SLIT3: variants seen among roughly 807,000 people sequenced by gnomAD.
The protein encoded by SLIT3 is slit homolog 3 protein.
A neutral mutation model predicts 184.0 loss-of-function variants in SLIT3; 68 were observed. That is an observed-to-expected ratio of 0.37 (90% confidence interval 0.30 to 0.45). The LOEUF is 0.45. Among genes scored for constraint, SLIT3 ranks in the 20% least tolerant of loss-of-function variants. The pLI is 1.00. For synonymous variants in SLIT3, 831 were observed against 828.6 expected (o/e 1.00, Z -0.05); for missense variants, 1,707 against 2,026.0 (o/e 0.84, Z 3.02).
chr5:168,767,202 AG>A (rs748297197), intron 14 of SLIT3, among the ~76,000 whole-genome samples: 25 of 152,186 alleles, frequency 1.6e-4, no homozygotes, highest in Admixed American at 3.3e-4. Flanking sequence ...CCTGGTTCTG[AG>A]GGGTAACCTC....
chr5:169,058,842 G>A (rs1758090983), intron 4 of SLIT3, among the ~76,000 whole-genome samples: 1 of 152,210 alleles, frequency 6.6e-6, no homozygotes, highest in Non-Finnish European at 1.5e-5. Context: ...AGATGCCTCA[G>A]GTTTGGAAAA....
intron 4 of SLIT3, among the ~76,000 whole-genome samples, chr5:169,097,477 A>G (rs1406067652): frequency 6.6e-6 from 1 of 152,196 alleles, no homozygotes; most frequent in Admixed American, 6.5e-5. Flanking sequence ...GGAGGGAGAA[A>G]GGAGAGAAAA....
intron 3 of SLIT3, among the ~76,000 whole-genome samples, chr5:169,195,450 T>A (rs1368755491): frequency 6.6e-6 from 1 of 152,180 alleles, no homozygotes; most frequent in South Asian, 2.1e-4. Flanking sequence ...AGACTCCTGA[T>A]GAGGAGGAGG....
chr5:168,898,110 T>C (rs2113822103), intron 4 of SLIT3, among the ~76,000 whole-genome samples: 1 of 152,368 alleles, frequency 6.6e-6, no homozygotes, highest in Non-Finnish European at 1.5e-5. Context: ...TCAAGGCACA[T>C]ACTTAATGTT....
chr5:169,107,551 G>C (rs984698893), intron 4 of SLIT3, among the ~76,000 whole-genome samples: 4 of 152,230 alleles, frequency 2.6e-5, no homozygotes, highest in African/African-American at 9.6e-5. Context: ...TCTCCCAAGG[G>C]GTGACAGCCC....
intron 4 of SLIT3, among the ~76,000 whole-genome samples, chr5:168,983,582 G>T (rs2113363375): frequency 6.6e-6 from 1 of 152,312 alleles, no homozygotes; most frequent in East Asian, 1.9e-4. Flanking sequence ...TGAGCCCCGA[G>T]CAAAATCACA....
At chr5:169,246,733 A>G (rs961987347) in intron 2 of SLIT3, among the ~76,000 whole-genome samples, 1 of 150,236 alleles carries the variant, frequency 6.7e-6, no homozygotes, top group African/African-American at 2.4e-5. Flanking sequence ...AGCCTGGCCA[A>G]CATGGTGAAA....
At chr5:168,962,942 T>C (rs1265669377) in intron 4 of SLIT3, among the ~76,000 whole-genome samples, 1 of 152,174 alleles carries the variant, frequency 6.6e-6, no homozygotes, top group Admixed American at 6.5e-5. Flanking sequence ...TCCCCATCAC[T>C]CCATCCAAAG....
intron 1 of SLIT3, among the ~76,000 whole-genome samples, chr5:169,254,083 C>T (rs1765866830): frequency 6.6e-6 from 1 of 152,156 alleles, no homozygotes; most frequent in African/African-American, 2.4e-5. Context: ...TACCTCTAGC[C>T]CCCAACTCCA....
Position 168,884,553 on chromosome 5 carries a change from T to TATATATA in SLIT3, c.414-1224_414-1218dup, listed in dbSNP as rs1224823188. ...AACTACTGCTACCAATTACGAGATA[T>TATATATA]ATATATATATATATATATATATATA... On this transcript the variant is annotated intron_variant, in intron 4 of 35. Coordinates refer to ENST00000519560, the MANE Select transcript of SLIT3 (RefSeq NM_003062.4). Among the ~76,000 whole-genome samples, 2 of 100,286 alleles carry TATATATA rather than the reference T, an allele frequency of 2.0e-5. 1 individual carries two copies. The highest frequency in any genetic ancestry group is 7.2e-5 in the African/African-American group (2 of 27,638). The allele number at this position is 100,286 out of a possible 152,430, so 65.8% of individuals were successfully genotyped here.
rs1444911921 is a variant in SLIT3 at position 168,666,563 on chromosome 5, T to C, written c.4463A>G (p.Gln1488Arg). The C allele has an allele frequency of 6.2e-7, 1 of 1,613,962 alleles. No individual in the cohort carries two copies. The highest frequency in any genetic ancestry group is 2.2e-5 in the East Asian group (1 of 44,880). Residue 1488 changes from glutamine (Q) to arginine (R), a missense_variant, in exon 36 of 36, where the codon CAG becomes CGG. Gln to Arg is a conservative substitution (Grantham distance 43, BLOSUM62 1). Around this residue, in one of 3 missense-constraint regions of SLIT3, gnomAD observed 387 missense variants for 477.9 expected, o/e 0.81. Coordinates refer to ENST00000519560, the MANE Select transcript of SLIT3 (RefSeq NM_003062.4). ...CRGGCGPQCC[Q>R]PTRSKRRKYV... The stretch of plus-strand genomic sequence containing the variant: ...TTTCCGCCGCTTGCTGCGGGTGGGC[T>C]GGCAGCACTGGGGCCCACAGCCCCC...
chr5:169,294,009 C>T (rs568981731), intron 1 of SLIT3, among the ~76,000 whole-genome samples: 6 of 152,246 alleles, frequency 3.9e-5, no homozygotes, highest in Non-Finnish European at 7.3e-5. Context: ...GAGCTCAGCA[C>T]AGTGCCAGGG....
Position 168,934,553 on chromosome 5 carries a change from T to TACCACAA in SLIT3, c.414-51218_414-51217insTTGTGGT, listed in dbSNP as rs1416907442. ...GAAGAGACAGGCTGATACCACAAGA[T>TACCACAA]GATGGGAAAGGCACGCGGCTGTGGG... On this transcript the variant is annotated intron_variant, in intron 4 of 35. Transcript: ENST00000519560. 2.6e-5 allele frequency among the ~76,000 whole-genome samples: 4 copies of TACCACAA among 152,096 alleles called. No individual in the cohort carries two copies. The East Asian group carries it at 7.7e-4, about 29-fold the overall frequency.
At position 168,844,576 on chromosome 5, in the gene SLIT3, C is replaced by G. The variant is rs752988783; in HGVS notation, c.557+8G>C. On this transcript the variant is annotated splice_region_variant and intron_variant, in intron 6 of 35. Transcript: ENST00000519560. ...ACACACAAGGCAGCGATCGCAAAATCAACTCACAGGATCTCCAAATCGCGC... is the reference window on the plus strand; with the variant it reads ...ACACACAAGGCAGCGATCGCAAAATGAACTCACAGGATCTCCAAATCGCGC... 1 of 1,614,018 alleles carries G rather than the reference C, an allele frequency of 6.2e-7. No individual in the cohort carries two copies. Among genetic ancestry groups the G allele is most frequent in the South Asian group, 1.1e-5 (1 of 91,066 alleles).
At chr5:169,255,391 A>C (rs2113602336) in intron 1 of SLIT3, among the ~76,000 whole-genome samples, 1 of 152,290 alleles carries the variant, frequency 6.6e-6, no homozygotes, top group South Asian at 2.1e-4. Context: ...GAAGACAGTG[A>C]GATGGATGAT....
intron 14 of SLIT3, among the ~76,000 whole-genome samples, chr5:168,771,508 G>A (rs143989698): frequency 6.6e-6 from 1 of 152,094 alleles, no homozygotes; most frequent in Non-Finnish European, 1.5e-5. Context: ...TAGAGCAAAG[G>A]GCTCTCCTAC....
At position 169,113,574 on chromosome 5, in the gene SLIT3, T is replaced by C. The variant is rs573281584; in HGVS notation, c.413+79905A>G. On this transcript the variant is annotated intron_variant, in intron 4 of 35. Coordinates refer to ENST00000519560, the MANE Select transcript of SLIT3 (RefSeq NM_003062.4). ...CATTCGATCCTCTTTAACTGTCCTT[T>C]TGAGGGTTCCATCTGGGTTCCTACC... Among the ~76,000 whole-genome samples the C allele has an allele frequency of 3.7e-4, 56 of 152,300 alleles. No homozygotes were observed. The Middle Eastern group carries it at 0.01, about 28-fold the overall frequency.
intron 4 of SLIT3, among the ~76,000 whole-genome samples, chr5:169,048,809 G>A (rs1288684570): frequency 6.6e-6 from 1 of 152,130 alleles, no homozygotes; most frequent in African/African-American, 2.4e-5. Context: ...ATCACAGTCT[G>A]GGAAAGCAAA....
intron 6 of SLIT3, among the ~76,000 whole-genome samples, chr5:168,833,245 C>G (rs139982020): frequency 2.6e-5 from 4 of 152,332 alleles, no homozygotes; most frequent in African/African-American, 9.6e-5. Flanking sequence ...TGAGCCACTT[C>G]AGAGCTGTTA....
Sources: allele counts gnomAD v4.1 joint callset (sites outside exome capture counted in the v4.1 genomes callset), GRCh38; gene constraint gnomAD v4.1.1; regional missense constraint gnomAD v4.1.1; transcripts MANE v1.5; gene names NCBI Gene and HGNC (gene_info 2026-07-23, HGNC 2026-07-21).